Variants in RBPMS observed in about 807,000 individuals in gnomAD.
The protein encoded by RBPMS is RNA binding protein, mRNA processing factor, also known as RNA-binding protein with multiple splicing.
In RBPMS, 7 loss-of-function variants were observed where a neutral mutation model predicts 26.8. That is an observed-to-expected ratio of 0.26 (90% CI 0.15 to 0.49). The LOEUF (loss-of-function observed/expected upper bound fraction) is 0.49. Among genes scored for constraint, RBPMS ranks in the 20% least tolerant of loss-of-function variants. The pLI is 0.98. For synonymous variants in RBPMS, 96 were observed against 93.3 expected (o/e 1.03, Z -0.17); for missense variants, 186 against 250.0 (o/e 0.74, Z 1.73).
At chr8:30,489,590 G>C (rs979793251) in intron 4 of RBPMS, among the ~76,000 whole-genome samples, 20 of 151,856 alleles carry the variant, frequency 1.3e-4, no homozygotes, top group African/African-American at 4.8e-4. Flanking sequence ...GATTACAGGC[G>C]CGCGCCGCCA....
At chr8:30,526,563 GT>G (rs1386348249) in intron 5 of RBPMS, among the ~76,000 whole-genome samples, 2 of 152,148 alleles carry the variant, frequency 1.3e-5, no homozygotes, top group Non-Finnish European at 2.9e-5. Context: ...AAGCCCTCAG[GT>G]TGCTTCTTGA....
At chr8:30,491,130 A>G (rs1341871905) in intron 4 of RBPMS, among the ~76,000 whole-genome samples, 1 of 152,174 alleles carries the variant, frequency 6.6e-6, no homozygotes, top group Non-Finnish European at 1.5e-5. Context: ...CCCCAACCCT[A>G]TTGATTAATT....
intron 8 of RBPMS, among the ~76,000 whole-genome samples, chr8:30,566,729 A>ATTAT (rs1228968477): frequency 2.0e-5 from 3 of 152,108 alleles, no homozygotes; most frequent in Non-Finnish European, 4.4e-5. Context: ...GGGGGAAATT[A>ATTAT]TTATTTTGTT....
At chr8:30,443,292 CTAA>C (rs1272899403) in intron 1 of RBPMS, among the ~76,000 whole-genome samples, 6 of 152,110 alleles carry the variant, frequency 3.9e-5, no homozygotes, top group African/African-American at 1.4e-4. Context: ...GTGTCCTGCA[CTAA>C]TGTTTTTGGT....
rs550265789 is a variant in RBPMS at position 30,569,740 on chromosome 8, G to A, written c.*112-897G>A. ...GTGGAAGGAGCAGATGAGCCAAGAG[G>A]ACAGGAAATGAGGTCGGTGTAAAGG... On this transcript the variant is annotated intron_variant, in intron 8 of 8. Transcript: ENST00000397323. Among the ~76,000 whole-genome samples, 7 of 152,310 alleles carry A rather than the reference G, an allele frequency of 4.6e-5. 2 individuals carry two copies. The highest frequency in any genetic ancestry group is 1.7e-4 in the African/African-American group (7 of 41,570).
chr8:30,530,131 T>C (rs1824057171), intron 5 of RBPMS, among the ~76,000 whole-genome samples: 1 of 152,218 alleles, frequency 6.6e-6, no homozygotes, highest in Non-Finnish European at 1.5e-5. Flanking sequence ...CATTCATTTG[T>C]TGATGGACAC....
At chr8:30,441,883 G>A (rs913315969) in intron 1 of RBPMS, among the ~76,000 whole-genome samples, 2 of 152,180 alleles carry the variant, frequency 1.3e-5, no homozygotes, top group African/African-American at 2.4e-5. Flanking sequence ...TCCGCCTCCT[G>A]GATTCAAGCG....
intron 1 of RBPMS, among the ~76,000 whole-genome samples, chr8:30,430,219 AATGGATGG>A (rs147429445): frequency 2.0e-5 from 3 of 151,420 alleles, no homozygotes; most frequent in African/African-American, 4.8e-5. Flanking sequence ...CCCTGTCTTA[AATGGATGG>A]ATGGATGGAT....
intron 6 of RBPMS, among the ~76,000 whole-genome samples, chr8:30,557,179 C>G (rs1197425520): frequency 6.6e-6 from 1 of 152,200 alleles, no homozygotes. Flanking sequence ...CACAGGCAGC[C>G]TGACGGAGTC....
At chr8:30,451,920 A>G (rs1476565123) in intron 1 of RBPMS, among the ~76,000 whole-genome samples, 1 of 152,140 alleles carries the variant, frequency 6.6e-6, no homozygotes, top group Non-Finnish European at 1.5e-5. Flanking sequence ...TTTCTATCAT[A>G]TTTCAGCCAC....
intron 2 of RBPMS, among the ~76,000 whole-genome samples, chr8:30,476,607 A>G (rs938286374): frequency 2.6e-5 from 4 of 152,122 alleles, no homozygotes; most frequent in Non-Finnish European, 5.9e-5. Context: ...CTGCCCAGAA[A>G]CCCCGACTAG....
intron 5 of RBPMS, among the ~76,000 whole-genome samples, chr8:30,519,238 C>T (rs1822736612): frequency 6.6e-6 from 1 of 151,944 alleles, no homozygotes. Context: ...GGTAAATATA[C>T]CAAAATATAG....
At chr8:30,421,190 T>G (rs1810746140) in intron 1 of RBPMS, among the ~76,000 whole-genome samples, 1 of 152,054 alleles carries the variant, frequency 6.6e-6, no homozygotes, top group Non-Finnish European at 1.5e-5. Context: ...TGTGTGAGTG[T>G]GCGCATGAGC....
At chr8:30,389,505 G>C (rs1348884468) in intron 1 of RBPMS, among the ~76,000 whole-genome samples, 1 of 152,228 alleles carries the variant, frequency 6.6e-6, no homozygotes, top group Non-Finnish European at 1.5e-5. Context: ...GTGCAGAGCA[G>C]TGGTGATGTA....
intron 1 of RBPMS, among the ~76,000 whole-genome samples, chr8:30,461,538 G>A (rs923754114): frequency 1.3e-5 from 2 of 152,132 alleles, no homozygotes; most frequent in African/African-American, 4.8e-5. Flanking sequence ...GGAACTACAG[G>A]CGCGTGCCAC....
chr8:30,475,379 C>T (rs535195166), intron 2 of RBPMS, among the ~76,000 whole-genome samples: 1 of 152,190 alleles, frequency 6.6e-6, no homozygotes, highest in Non-Finnish European at 1.5e-5. Context: ...CCAAGCACTT[C>T]GTAGAAACTA....
chr8:30,550,648 T>C (rs941665086), intron 6 of RBPMS, among the ~76,000 whole-genome samples: 14 of 152,146 alleles, frequency 9.2e-5, no homozygotes, highest in Non-Finnish European at 1.6e-4. Flanking sequence ...AGATGAGGCA[T>C]TGCAGTGAGA....
Position 30,449,328 on chromosome 8 carries a change from C to A in RBPMS, c.67-25451C>A, listed in dbSNP as rs1020926944. 3.3e-5 allele frequency among the ~76,000 whole-genome samples: 5 copies of A among 151,084 alleles called. No homozygotes were observed. The East Asian group carries it at 7.8e-4, about 23-fold the overall frequency. On this transcript the variant is annotated intron_variant, in intron 1 of 8. Coordinates refer to ENST00000397323, the MANE Select transcript of RBPMS (RefSeq NM_001008710.3). ...AACTTGAATAATGTCCTGTTTCTTG[C>A]CCCCACCCAGCTCGATTGGATCCTT... is the stretch of plus-strand genomic sequence containing the variant.
chr8:30,556,248 G>C (rs768615498), intron 6 of RBPMS: 4 of 985,440 alleles, frequency 4.1e-6, no homozygotes, highest in Non-Finnish European at 4.8e-6. Flanking sequence ...CTCCTCAGCT[G>C]AGCACAGCCT....
Sources: gnomAD v4.1 joint callset for allele counts (sites outside exome capture counted in the v4.1 genomes callset) on GRCh38, gnomAD v4.1.1 for gene constraint, MANE v1.5 for transcripts, NCBI Gene and HGNC (gene_info 2026-07-23, HGNC 2026-07-21) for gene names.